The following GALK2 variants were observed in gnomAD, a reference collection of about 807,000 sequenced individuals.
GALK2 encodes the protein N-acetylgalactosamine kinase.
Under a neutral mutation model 52.4 loss-of-function variants are expected in GALK2, and 36 were observed. That is an observed-to-expected ratio of 0.69 (90% CI 0.53 to 0.91). The LOEUF is 0.91. Among genes scored for constraint, GALK2 ranks in the 40% least tolerant of loss-of-function variants. GALK2 has a pLI of 0.00. For missense variants in GALK2, 579 were observed against 559.1 expected (o/e 1.04, Z -0.36); for synonymous variants, 176 against 199.1 (o/e 0.88, Z 0.98).
At chr15:49,273,587 C>G (rs2031126030) in intron 5 of GALK2, among the ~76,000 whole-genome samples, 1 of 148,016 alleles carries the variant, frequency 6.8e-6, no homozygotes, top group African/African-American at 2.5e-5. Flanking sequence ...TACAAAGTGT[C>G]TGTAAGTTAG....
chr15:49,277,631 A>T (rs532043365), intron 5 of GALK2, among the ~76,000 whole-genome samples: 274 of 149,282 alleles, frequency 1.8e-3, no homozygotes, highest in Non-Finnish European at 1.5e-3. Flanking sequence ...CCCCGTCTCT[A>T]CTAAAAATAC....
chr15:49,299,348 G>C (rs1453797079), intron 8 of GALK2, among the ~76,000 whole-genome samples: 1 of 151,910 alleles, frequency 6.6e-6, no homozygotes, highest in Non-Finnish European at 1.5e-5. Context: ...TTTTGGTTTC[G>C]TTGATCTTTT....
intron 3 of GALK2, among the ~76,000 whole-genome samples, chr15:49,354,187 A>G (rs2042684471): frequency 6.6e-6 from 1 of 152,228 alleles, no homozygotes; most frequent in African/African-American, 2.4e-5. Context: ...TTGAGTTTAA[A>G]CAAGTCATTC....
intron 8 of GALK2, among the ~76,000 whole-genome samples, chr15:49,294,273 ACAGT>A (rs1478818700): frequency 6.6e-6 from 1 of 152,176 alleles, no homozygotes; most frequent in Admixed American, 6.5e-5. Flanking sequence ...AGGTAGGCAA[ACAGT>A]CAGAAAGAAT....
At chr15:49,183,677 T>G (rs1403088551) in intron 1 of GALK2, among the ~76,000 whole-genome samples, 1 of 151,836 alleles carries the variant, frequency 6.6e-6, no homozygotes, top group Non-Finnish European at 1.5e-5. Context: ...AACCCTGACT[T>G]TACTAAAAAT....
Position 49,164,797 on chromosome 15 carries a change from A to G in GALK2, c.20+8781A>G, listed in dbSNP as rs1451682339. ...CTCCGTCTCAAAAAAAAAAAAAAAAAAAAAAAAAAGAAATAAAAAGGAAAA... is the reference window on the plus strand; with the variant it reads ...CTCCGTCTCAAAAAAAAAAAAAAAAGAAAAAAAAAGAAATAAAAAGGAAAA... On this transcript the variant is annotated intron_variant, in intron 1 of 9. Transcript: ENST00000327171. 2.6e-5 allele frequency among the ~76,000 whole-genome samples: 4 copies of G among 151,290 alleles called. No homozygotes were observed. In the South Asian group the frequency reaches 8.3e-4, roughly 31 times the overall value.
intron 3 of GALK2, among the ~76,000 whole-genome samples, chr15:49,345,429 T>C (rs1239726705): frequency 6.6e-6 from 1 of 152,242 alleles, no homozygotes; most frequent in Non-Finnish European, 1.5e-5. Flanking sequence ...GTGATGGTTT[T>C]CAGTAGATTT....
intron 3 of GALK2, among the ~76,000 whole-genome samples, chr15:49,227,700 A>G (rs564196390): frequency 5.5e-4 from 84 of 151,380 alleles, no homozygotes; most frequent in Non-Finnish European, 1.1e-3. Flanking sequence ...GTTGTTTTAT[A>G]TATCTTTTTT....
At chr15:49,315,991 T>C (rs569882091) in intron 8 of GALK2, among the ~76,000 whole-genome samples, 4 of 152,326 alleles carry the variant, frequency 2.6e-5, no homozygotes, top group Admixed American at 1.3e-4. Context: ...AAAACCAAAG[T>C]GTACTCTCCC....
intron 1 of GALK2, among the ~76,000 whole-genome samples, chr15:49,172,275 G>A (rs2085155494): frequency 6.6e-6 from 1 of 152,074 alleles, no homozygotes; most frequent in South Asian, 2.1e-4. Flanking sequence ...TGCTTTTCAT[G>A]ATTTTTATAT....
intron 1 of GALK2, among the ~76,000 whole-genome samples, chr15:49,188,850 G>T (rs1026938922): frequency 5.9e-5 from 9 of 152,092 alleles, no homozygotes; most frequent in African/African-American, 2.2e-4. Flanking sequence ...TCCTGAATTG[G>T]GCAGCATGTA....
At chr15:49,319,524 CTTT>C in intron 8 of GALK2, 77 bp from the exon 9 acceptor site, 1 of 1,167,304 alleles carries the variant, frequency 8.6e-7, no homozygotes, top group South Asian at 1.5e-5. Context: ...AAATGAAAGT[CTTT>C]AAAAGTGTAT....
At position 49,177,756 on chromosome 15, in the gene GALK2, T is replaced by G. The variant is rs377092321; in HGVS notation, c.53+7381T>G. ...GCATCACCCTTTGCTTGTGGACTGG[T>G]TTGGTGATCCACTGGGTGGCAGGAT... On this transcript the variant is annotated intron_variant, in intron 1 of 9. Transcript: ENST00000560031. 2.8e-4 allele frequency: 218 copies of G among 773,360 alleles called. 1 individual carries two copies. In the African/African-American group the frequency reaches 3.6e-3, roughly 13 times the overall value. 47.9% of individuals were successfully genotyped at this position (773,360 alleles called of 1,614,324 possible).
chr15:49,182,095 T>A (rs527984866), intron 1 of GALK2, among the ~76,000 whole-genome samples: 1 of 152,232 alleles, frequency 6.6e-6, no homozygotes, highest in African/African-American at 2.4e-5. Flanking sequence ...TTATTCATTC[T>A]ATCTAACTTC....
At chr15:49,156,479 G>C in intron 1 of GALK2, 1 of 481,114 alleles carries the variant, frequency 2.1e-6, no homozygotes, top group African/African-American at 2.0e-5. Context: ...AATTAAGGGA[G>C]AGATTGCTCG....
intron 3 of GALK2, among the ~76,000 whole-genome samples, chr15:49,342,220 G>A (rs1197039466): frequency 1.3e-5 from 2 of 152,114 alleles, no homozygotes; most frequent in East Asian, 3.8e-4. Context: ...CCAATGCTGG[G>A]TGCATATATA....
intron 8 of GALK2, among the ~76,000 whole-genome samples, chr15:49,302,100 C>T (rs2035165989): frequency 6.6e-6 from 1 of 152,166 alleles, no homozygotes; most frequent in African/African-American, 2.4e-5. Context: ...ATAGGTGGTA[C>T]GAGCTGGAGC....
intron 5 of GALK2, among the ~76,000 whole-genome samples, chr15:49,243,518 C>T (rs1180602997): frequency 2.4e-4 from 37 of 152,012 alleles, no homozygotes; most frequent in Admixed American, 2.4e-3. Flanking sequence ...TTGTTAGAAG[C>T]CCATTTACAA....
At chr15:49,168,496 A>T (rs1455971198), upstream of GALK2, among the ~76,000 whole-genome samples, 1 of 152,154 alleles carries the variant, frequency 6.6e-6, no homozygotes, top group Non-Finnish European at 1.5e-5. Flanking sequence ...AGGTGGGCTG[A>T]TCACCTGAGG....
Sources: gnomAD v4.1 joint callset for allele counts (sites outside exome capture counted in the v4.1 genomes callset) on GRCh38, gnomAD v4.1.1 for gene constraint, MANE v1.5 for transcripts, NCBI Gene and HGNC (gene_info 2026-07-23, HGNC 2026-07-21) for gene names.